Variants in CRADD observed in about 807,000 individuals in gnomAD.
The protein encoded by CRADD is CARD and death domain containing adaptor protein, also known as death domain-containing protein CRADD.
Under a neutral mutation model 15.5 loss-of-function variants are expected in CRADD, and 9 were observed. That is an observed-to-expected ratio of 0.58 (90% CI 0.35 to 1.01). The LOEUF is 1.01. Ranked by LOEUF, CRADD falls within the 50% of genes least tolerant of loss-of-function variation. The probability of loss-of-function intolerance (pLI) is 0.02; values close to 1 mark genes in which losing one functional copy is unlikely to be tolerated. For missense variants in CRADD, 227 were observed against 250.3 expected (o/e 0.91, Z 0.63); for synonymous variants, 118 against 107.6 (o/e 1.10, Z -0.60).
At chr12:93,846,594 A>G (rs3847789) in intron 2 of CRADD, 63,573 of 149,632 alleles carry the variant, frequency 0.42, 13,780 homozygotes, top group East Asian at 0.66. Flanking sequence ...ACACACACAC[A>G]CACACACACA....
At chr12:93,818,954 G>T (rs577518229) in intron 2 of CRADD, among the ~76,000 whole-genome samples, 1 of 152,202 alleles carries the variant, frequency 6.6e-6, no homozygotes, top group Non-Finnish European at 1.5e-5. Context: ...TCTAGAGACC[G>T]CACTGGCGAA....
intron 2 of CRADD, among the ~76,000 whole-genome samples, chr12:93,829,984 G>A (rs866862526): frequency 9.9e-5 from 15 of 152,094 alleles, no homozygotes; most frequent in Non-Finnish European, 2.2e-4. Flanking sequence ...CAGCCACCAC[G>A]CCCGGCGGTT....
chr12:93,883,688 A>C (rs1039573651), intron 2 of CRADD, among the ~76,000 whole-genome samples: 5 of 152,158 alleles, frequency 3.3e-5, no homozygotes, highest in African/African-American at 1.2e-4. Flanking sequence ...ACCACATTAG[A>C]CTGGCATGGT....
rs755021669 is a variant in CRADD, at chr12:93,795,446, C to T, written c.299-54524C>T. ...GTCACATTCTATCCTGGGCACCATC[C>T]GGAGGGGTCTTGTCCAGTTTCCTAG... On this transcript the variant is annotated intron_variant, in intron 2 of 2. Coordinates refer to ENST00000332896, the MANE Select transcript of CRADD (RefSeq NM_003805.5). Among the ~76,000 whole-genome samples, 13 of 152,250 alleles carry T rather than the reference C, an allele frequency of 8.5e-5. No individual in the cohort carries two copies. In the East Asian group the frequency reaches 1.7e-3, roughly 20 times the overall value.
In CRADD at chr12:93,779,736, C is replaced by A. The variant is rs541982490; in HGVS notation, c.299-70234C>A. Among the ~76,000 whole-genome samples the A allele has an allele frequency of 4.7e-4, 72 of 152,006 alleles. 1 individual carries two copies. Among genetic ancestry groups the A allele is most frequent in the African/African-American group, 1.6e-3 (68 of 41,472 alleles). On this transcript the variant is annotated intron_variant, in intron 2 of 2. Coordinates refer to ENST00000332896, the MANE Select transcript of CRADD (RefSeq NM_003805.5). ...TCTGGAGTAGCTGGGACTACAGGTG[C>A]CCACCACCATGTCTGGCTAATTTTT...
chr12:93,788,418 T>A (rs1284525124), intron 2 of CRADD, among the ~76,000 whole-genome samples: 1 of 151,958 alleles, frequency 6.6e-6, no homozygotes, highest in African/African-American at 2.4e-5. Flanking sequence ...CAATTCAAGA[T>A]GAGATTTGGG....
chr12:93,798,511 A>G (rs181307895), intron 2 of CRADD, among the ~76,000 whole-genome samples: 2 of 152,194 alleles, frequency 1.3e-5, no homozygotes, highest in East Asian at 3.9e-4. Flanking sequence ...CCTCCTCTCC[A>G]TTTTAATCAT....
intron 2 of CRADD, among the ~76,000 whole-genome samples, chr12:93,811,925 T>G (rs1415043078): frequency 6.6e-6 from 1 of 152,216 alleles, no homozygotes; most frequent in Middle Eastern, 3.2e-3. Context: ...AACTGTGGTA[T>G]GTCCATCTGT....
intron 2 of CRADD, among the ~76,000 whole-genome samples, chr12:93,724,841 C>CTTATTA (rs543856034): frequency 6.6e-6 from 1 of 151,202 alleles, no homozygotes; most frequent in African/African-American, 2.4e-5. Flanking sequence ...AAAGAACAGA[C>CTTATTA]TTATTATTAT....
intron 2 of CRADD, among the ~76,000 whole-genome samples, chr12:93,864,678 G>C (rs891589402): frequency 1.3e-5 from 2 of 152,172 alleles, no homozygotes; most frequent in Non-Finnish European, 2.9e-5. Flanking sequence ...CTAATGAAGT[G>C]TCTGGCACAC....
chr12:93,867,179 C>T (rs1037722692), intron 2 of CRADD, among the ~76,000 whole-genome samples: 4 of 151,904 alleles, frequency 2.6e-5, no homozygotes, highest in African/African-American at 9.7e-5. Context: ...ACTTAGCTTG[C>T]TCACTTAGGA....
rs562037876 is a variant in CRADD, at chr12:93,757,850, T to G, written c.298+78778T>G. Among the ~76,000 whole-genome samples, 10 of 152,196 alleles carry G rather than the reference T, an allele frequency of 6.6e-5. No individual in the cohort carries two copies. In the South Asian group the frequency reaches 2.1e-3, roughly 32 times the overall value. ...TCCTCTGGCTTTGGAGTAGGAAAAT[T>G]GATTGTAGAGGATCCAGGAGGAATC... is the stretch of plus-strand genomic sequence containing the variant. On this transcript the variant is annotated intron_variant, in intron 2 of 2. Coordinates refer to ENST00000332896, the MANE Select transcript of CRADD (RefSeq NM_003805.5).
At chr12:93,723,372 C>T (rs1291825476) in intron 2 of CRADD, among the ~76,000 whole-genome samples, 1 of 152,112 alleles carries the variant, frequency 6.6e-6, no homozygotes, top group East Asian at 1.9e-4. Flanking sequence ...TTTTCTGACC[C>T]TGCATTCTGA....
At chr12:93,701,375 CCA>C (rs896703223) in intron 2 of CRADD, among the ~76,000 whole-genome samples, 3 of 151,536 alleles carry the variant, frequency 2.0e-5, no homozygotes, top group African/African-American at 7.3e-5. Context: ...TGTGACTGCT[CCA>C]CAGTTACCAG....
At chr12:93,677,639 C>G (rs1955190283) in intron 1 of CRADD, 167 bp downstream of exon 1, 1 of 152,296 alleles carries the variant, frequency 6.6e-6, no homozygotes, top group African/African-American at 2.4e-5. Context: ...TTGGTCCGCT[C>G]TTTAGTTCAT....
chr12:93,890,979 C>A (rs191281577), intron 2 of CRADD, among the ~76,000 whole-genome samples: 9 of 151,690 alleles, frequency 5.9e-5, no homozygotes, highest in Admixed American at 3.3e-4. Flanking sequence ...AAACTCCTGG[C>A]CTCAAGTGAT....
intron 2 of CRADD, among the ~76,000 whole-genome samples, chr12:93,683,224 G>A (rs149283534): frequency 6.6e-6 from 1 of 152,154 alleles, no homozygotes; most frequent in African/African-American, 2.4e-5. Flanking sequence ...CGTAAATCAC[G>A]GTGGGAGTGA....
At chr12:93,835,318 A>G (rs1957961497) in intron 2 of CRADD, among the ~76,000 whole-genome samples, 1 of 152,208 alleles carries the variant, frequency 6.6e-6, no homozygotes, top group African/African-American at 2.4e-5. Flanking sequence ...TTTGAAAACA[A>G]TGACTGACTT....
intron 2 of CRADD, among the ~76,000 whole-genome samples, chr12:93,777,746 G>T (rs745320964): frequency 6.6e-6 from 1 of 152,104 alleles, no homozygotes; most frequent in African/African-American, 2.4e-5. Flanking sequence ...TTAATCTCAC[G>T]GTATACTCGG....
Sources: gnomAD v4.1 joint callset for allele counts (sites outside exome capture counted in the v4.1 genomes callset) on GRCh38, gnomAD v4.1.1 for gene constraint, MANE v1.5 for transcripts, NCBI Gene and HGNC (gene_info 2026-07-23, HGNC 2026-07-21) for gene names.